The following NCOA1 variants were observed in gnomAD, a reference collection of about 807,000 sequenced individuals.
NCOA1 encodes Hin-2 protein.
A neutral mutation model predicts 150.9 loss-of-function variants in NCOA1; 35 were observed. The ratio of observed to expected loss-of-function variants is 0.23; its 90% CI spans 0.18 to 0.31. The LOEUF is 0.31. Among genes scored for constraint, NCOA1 ranks in the 10% least tolerant of loss-of-function variants. NCOA1 has a pLI of 1.00. For synonymous variants in NCOA1, 590 were observed against 630.0 expected (o/e 0.94, Z 0.95); for missense variants, 1,491 against 1,749.3 (o/e 0.85, Z 2.63).
intron 2 of NCOA1, among the ~76,000 whole-genome samples, chr2:24,568,776 A>G (rs1238075658): frequency 2.0e-5 from 3 of 152,226 alleles, no homozygotes; most frequent in Non-Finnish European, 4.4e-5. Context: ...TTTATCAAAG[A>G]CATACCATCT....
chr2:24,697,934 G>C, intron 11 of NCOA1, 136 bp downstream of exon 11: 1 of 967,188 alleles, frequency 1.0e-6, no homozygotes. Flanking sequence ...AGGAAAGGAA[G>C]AAATGGGTAA....
At chr2:24,674,800 G>C (rs1671832059) in intron 7 of NCOA1, among the ~76,000 whole-genome samples, 1 of 151,908 alleles carries the variant, frequency 6.6e-6, no homozygotes, top group Non-Finnish European at 1.5e-5. Flanking sequence ...AAATTCCTCT[G>C]CCTGCTGGTC....
At chr2:24,704,974 A>G in intron 11 of NCOA1, 112 bp from the exon 12 acceptor site, 1 of 1,065,874 alleles carries the variant, frequency 9.4e-7, no homozygotes, top group Non-Finnish European at 1.4e-6. Flanking sequence ...TAAGCAGGCA[A>G]CAGTTGGGAG....
At position 24,705,354 on chromosome 2, in the gene NCOA1, G is replaced by A. The variant is rs145260870; in HGVS notation, c.1097+121G>A. ...ATTCTAAATTAGGCGTAAAACTAGTGTGATGAGTATATATAATCAATATAT... is the reference window on the plus strand; with the variant it reads ...ATTCTAAATTAGGCGTAAAACTAGTATGATGAGTATATATAATCAATATAT... On this transcript the variant is annotated intron_variant, in intron 12 of 22. Transcript: ENST00000348332. 292 of 943,570 alleles carry A rather than the reference G, an allele frequency of 3.1e-4. 2 individuals are homozygous for A. The African/African-American group carries it at 3.7e-3, about 12-fold the overall frequency. The allele number at this position is 943,570 out of a possible 1,614,324, so 58.4% of individuals were successfully genotyped here. A position where few individuals can be genotyped will look rare whatever the true frequency, so the allele number is the denominator to read the frequency against.
intron 5 of NCOA1, among the ~76,000 whole-genome samples, chr2:24,665,076 C>T (rs1192570181): frequency 6.6e-6 from 1 of 152,098 alleles, no homozygotes; most frequent in Non-Finnish European, 1.5e-5. Flanking sequence ...ACCTTGTTCT[C>T]ATTATTTTGC....
chr2:24,764,446 A>G (rs139742564), intron 22 of NCOA1, among the ~76,000 whole-genome samples: 397 of 152,362 alleles, frequency 2.6e-3, no homozygotes, highest in Non-Finnish European at 3.9e-3. Context: ...TGCAAGAGAT[A>G]GAGCTGAGCT....
intron 19 of NCOA1, among the ~76,000 whole-genome samples, chr2:24,748,312 T>C (rs1664040844): frequency 6.6e-6 from 1 of 151,620 alleles, no homozygotes; most frequent in African/African-American, 2.4e-5. Context: ...AAAACGGTTT[T>C]AAAATTCTAG....
At chr2:24,741,660 C>T in intron 18 of NCOA1, 124 bp from the exon 19 acceptor site, 2 of 1,085,402 alleles carry the variant, frequency 1.8e-6, no homozygotes, top group Non-Finnish European at 2.6e-6. Flanking sequence ...TTTAGTTTCC[C>T]TTGTACAGTG....
chr2:24,527,368 C>T (rs1572384720), intron 1 of NCOA1, among the ~76,000 whole-genome samples: 3 of 152,140 alleles, frequency 2.0e-5, no homozygotes, highest in Admixed American at 6.5e-5. Flanking sequence ...TCTCTCTGTA[C>T]ATTTGACTTT....
intron 1 of NCOA1, among the ~76,000 whole-genome samples, chr2:24,503,064 C>T (rs1411452838): frequency 6.6e-6 from 1 of 152,128 alleles, no homozygotes; most frequent in Non-Finnish European, 1.5e-5. Context: ...CAATATTTGT[C>T]AAGTCATATT....
At chr2:24,673,291 A>G (rs992454993) in intron 6 of NCOA1, 75 bp from the exon 7 acceptor site, 19 of 1,000,456 alleles carry the variant, frequency 1.9e-5, no homozygotes, top group African/African-American at 8.4e-5. Context: ...TGGTGGATCT[A>G]TGTCTTCGTA....
chr2:24,532,534 A>G (rs553966257), intron 1 of NCOA1, among the ~76,000 whole-genome samples: 47 of 152,300 alleles, frequency 3.1e-4, no homozygotes, highest in Admixed American at 8.5e-4. Context: ...GCCCATGCCT[A>G]TGTCCTGAAT....
intron 11 of NCOA1, among the ~76,000 whole-genome samples, chr2:24,700,141 C>CGCT (rs1296206483): frequency 8.1e-6 from 1 of 123,054 alleles, no homozygotes; most frequent in Non-Finnish European, 1.8e-5. Flanking sequence ...GAAACTTCAT[C>CGCT]GCTAATAATA....
In NCOA1 at chr2:24,648,882, A is replaced by T. The variant is rs549032716; in HGVS notation, c.-18+4760A>T. ...TTGAATAGCTTCTGATCTGGGACTG[A>T]ATTCTTTATTTTAGATATTGAAGTA... On this transcript the variant is annotated intron_variant, in intron 4 of 22. Coordinates refer to ENST00000348332, the MANE Select transcript of NCOA1 (RefSeq NM_003743.5). Among the ~76,000 whole-genome samples, 8 of 152,166 alleles carry T rather than the reference A, an allele frequency of 5.3e-5. No individual in the cohort carries two copies. The East Asian group carries it at 1.3e-3, about 26-fold the overall frequency.
intron 6 of NCOA1, among the ~76,000 whole-genome samples, chr2:24,666,900 C>G (rs1671457127): frequency 6.6e-6 from 1 of 152,052 alleles, no homozygotes; most frequent in Non-Finnish European, 1.5e-5. Flanking sequence ...GAACCCCATA[C>G]CATCAAACTC....
At chr2:24,648,551 G>A (rs144447731) in intron 4 of NCOA1, among the ~76,000 whole-genome samples, 8 of 152,320 alleles carry the variant, frequency 5.3e-5, no homozygotes, top group African/African-American at 1.4e-4. Context: ...GATTACAGGC[G>A]TGAGCAACTG....
chr2:24,682,934 T>C lies in NCOA1; in HGVS notation c.355-17T>C. 1 of 1,573,712 alleles carries C rather than the reference T, an allele frequency of 6.4e-7. No homozygotes were observed. The highest frequency in any genetic ancestry group is 8.6e-7 in the Non-Finnish European group (1 of 1,168,692). On this transcript the variant is annotated splice_polypyrimidine_tract_variant and intron_variant, in intron 7 of 22. Transcript: ENST00000348332. ...ATCTTTCAACCTCCAAACCATTTTT[T>C]TCTTTTGGTTTTGCAGGCTTTGGAT...
chr2:24,687,234 T>C (rs1435258321), intron 8 of NCOA1, among the ~76,000 whole-genome samples: 1 of 152,194 alleles, frequency 6.6e-6, no homozygotes, highest in Non-Finnish European at 1.5e-5. Flanking sequence ...TTAGCTCTTC[T>C]TCTAGTAACA....
At chr2:24,568,061 ATC>A (rs1183407878) in intron 2 of NCOA1, among the ~76,000 whole-genome samples, 1 of 152,110 alleles carries the variant, frequency 6.6e-6, no homozygotes, top group Non-Finnish European at 1.5e-5. Context: ...AATTTCTTAT[ATC>A]TCCTCACTGT....
Sources: allele counts gnomAD v4.1 joint callset (sites outside exome capture counted in the v4.1 genomes callset), GRCh38; gene constraint gnomAD v4.1.1; transcripts MANE v1.5; gene names NCBI Gene and HGNC (gene_info 2026-07-23, HGNC 2026-07-21).